Variants in RGS6 observed in about 807,000 individuals in gnomAD.
The protein encoded by RGS6 is regulator of G-protein signaling 6.
Under a neutral mutation model 78.5 loss-of-function variants are expected in RGS6, and 30 were observed. The observed-to-expected ratio is 0.38, with a 90% CI of 0.29 to 0.52. RGS6 has a LOEUF of 0.52. Ranked by LOEUF, RGS6 falls within the 20% of genes least tolerant of loss-of-function variation. The pLI, the probability that RGS6 is intolerant of heterozygous loss-of-function variation, is 0.85. For missense variants in RGS6, 495 were observed against 609.7 expected, an observed-to-expected ratio of 0.81 and a Z score of 1.98; for synonymous variants, 206 against 206.0, an observed-to-expected ratio of 1.00 and a Z score of 0.00.
chr14:72,001,908 T>TC (rs2083526728), intron 2 of RGS6, among the ~76,000 whole-genome samples: 1 of 143,398 alleles, frequency 7.0e-6, no homozygotes, highest in Non-Finnish European at 1.5e-5. Flanking sequence ...TTTTTTTTTT[T>TC]TTTTTTTTTT....
chr14:71,919,031 T>C, the RGS6 span, among the ~76,000 whole-genome samples: 1 of 151,878 alleles, frequency 6.6e-6, no homozygotes, highest in Non-Finnish European at 1.5e-5. Flanking sequence ...CAAAACCATA[T>C]ATGATCTACC....
chr14:72,579,822 C>T, the RGS6 span, among the ~76,000 whole-genome samples: 1 of 152,182 alleles, frequency 6.6e-6, no homozygotes, highest in African/African-American at 2.4e-5. Flanking sequence ...CTGGAGGCCA[C>T]TGAAGTAACT....
chr14:72,459,295 A>G (rs1597818697), intron 5 of RGS6, among the ~76,000 whole-genome samples: 1 of 152,156 alleles, frequency 6.6e-6, no homozygotes, highest in African/African-American at 2.4e-5. Context: ...GACTAGGTTA[A>G]AGGGAGGAAA....
intron 2 of RGS6, chr14:71,990,493 G>C (rs1472208956): frequency 4.9e-6 from 2 of 410,418 alleles, no homozygotes; most frequent in East Asian, 1.4e-4. Context: ...CAGGACAGCT[G>C]CTCACAGCTG....
chr14:72,251,224 G>A (rs2055683055), intron 2 of RGS6, among the ~76,000 whole-genome samples: 1 of 152,158 alleles, frequency 6.6e-6, no homozygotes, highest in Admixed American at 6.5e-5. Flanking sequence ...AAGTTTCTTG[G>A]GTAATTTCCT....
the RGS6 span, among the ~76,000 whole-genome samples, chr14:72,629,336 T>A: frequency 1.1e-4 from 16 of 152,338 alleles, no homozygotes; most frequent in South Asian, 3.1e-3. Context: ...AAATTGCCCA[T>A]AATAAAAAAT....
the RGS6 span, among the ~76,000 whole-genome samples, chr14:72,578,128 C>G: frequency 6.6e-6 from 1 of 152,332 alleles, no homozygotes; most frequent in Non-Finnish European, 1.5e-5. Context: ...TCTACCTGCT[C>G]TGACCATTAG....
rs372420641 is a variant in RGS6, at chr14:72,432,186, G to T, written c.185-22342G>T. Among the ~76,000 whole-genome samples, 67 of 152,246 alleles carry T rather than the reference G, an allele frequency of 4.4e-4. 4 individuals are homozygous for T. The South Asian group carries it at 0.014, about 32-fold the overall frequency. On this transcript the variant is annotated intron_variant, in intron 3 of 17. Transcript: ENST00000553525. ...ATTGACATAGACCCCAGGAGCCAGG[G>T]TTATAAGGGACAGGAGTCCTTTGTC...
chr14:72,145,307 A>G (rs557820275), intron 2 of RGS6, among the ~76,000 whole-genome samples: 2 of 152,290 alleles, frequency 1.3e-5, no homozygotes, highest in East Asian at 1.9e-4. Flanking sequence ...AAGGGGGTCT[A>G]CGTGGGAAAG....
chr14:72,593,300 G>C, the RGS6 span, among the ~76,000 whole-genome samples: 12 of 152,216 alleles, frequency 7.9e-5, no homozygotes, highest in Non-Finnish European at 1.8e-4. Flanking sequence ...ACTGATGTTT[G>C]CCAAACAAAC....
chr14:72,567,311 G>A (rs1010413748), downstream of RGS6, among the ~76,000 whole-genome samples: 6 of 152,226 alleles, frequency 3.9e-5, no homozygotes, highest in Admixed American at 1.3e-4. Context: ...CCCACCTCAC[G>A]TCCTGGTCCA....
chr14:72,367,656 T>C (rs2082690365), intron 3 of RGS6, among the ~76,000 whole-genome samples: 1 of 152,256 alleles, frequency 6.6e-6, no homozygotes, highest in Non-Finnish European at 1.5e-5. Context: ...CATTTTTTTA[T>C]GAATACATTT....
intron 2 of RGS6, among the ~76,000 whole-genome samples, chr14:72,145,030 T>G (rs2096589685): frequency 6.6e-6 from 1 of 152,078 alleles, no homozygotes. Flanking sequence ...AAGTGAGTTT[T>G]TCTTGCTGTC....
intron 15 of RGS6, among the ~76,000 whole-genome samples, chr14:72,526,637 A>T (rs960138144): frequency 6.6e-6 from 1 of 152,224 alleles, no homozygotes; most frequent in Non-Finnish European, 1.5e-5. Context: ...TTATGTGGAA[A>T]CACAGGGCTC....
chr14:71,971,242 C>A (rs2093785544), intron 2 of RGS6, among the ~76,000 whole-genome samples: 1 of 152,192 alleles, frequency 6.6e-6, no homozygotes, highest in Admixed American at 6.5e-5. Flanking sequence ...ACTACATTTA[C>A]AGGGCTCCTG....
chr14:72,151,715 A>G (rs4902990), intron 2 of RGS6, among the ~76,000 whole-genome samples: 142,466 of 152,228 alleles, frequency 0.94, 66,841 homozygotes, highest in Middle Eastern at 0.98. Flanking sequence ...CACATTGTAG[A>G]AAGTGTCTTG....
At chr14:72,170,396 C>T (rs1437680634) in intron 2 of RGS6, among the ~76,000 whole-genome samples, 1 of 152,190 alleles carries the variant, frequency 6.6e-6, no homozygotes, top group African/African-American at 2.4e-5. Context: ...TCCTAGCTCC[C>T]TCACTTTTTT....
chr14:72,417,753 C>A (rs1449395895), intron 3 of RGS6, among the ~76,000 whole-genome samples: 1 of 152,168 alleles, frequency 6.6e-6, no homozygotes, highest in Non-Finnish European at 1.5e-5. Context: ...TAAATGAGTT[C>A]ATCTGTGCAA....
At chr14:72,340,605 G>A (rs1159045182) in intron 2 of RGS6, among the ~76,000 whole-genome samples, 1 of 152,184 alleles carries the variant, frequency 6.6e-6, no homozygotes, top group East Asian at 1.9e-4. Flanking sequence ...AGGGAGAGGG[G>A]AGGGTCTGGT....
Sources: gnomAD v4.1 joint callset for allele counts (sites outside exome capture counted in the v4.1 genomes callset) on GRCh38, gnomAD v4.1.1 for gene constraint, MANE v1.5 for transcripts, NCBI Gene and HGNC (gene_info 2026-07-23, HGNC 2026-07-21) for gene names.